The following PDE4D variants were observed in gnomAD, a reference collection of about 807,000 sequenced individuals.
The protein encoded by PDE4D is phosphodiesterase 4D.
In PDE4D, 24 loss-of-function variants were observed where a neutral mutation model predicts 87.4. The observed-to-expected ratio is 0.27, with a 90% CI of 0.20 to 0.39. The LOEUF (loss-of-function observed/expected upper bound fraction) is 0.39. PDE4D is among the 10% of genes least tolerant of loss of function. PDE4D has a pLI of 1.00. For missense variants in PDE4D, 714 were observed against 1,041.0 expected, an observed-to-expected ratio of 0.69 and a Z score of 4.32; for synonymous variants, 384 against 383.2, an observed-to-expected ratio of 1.00 and a Z score of -0.02.
intron 2 of PDE4D, among the ~76,000 whole-genome samples, chr5:60,028,688 C>A (rs1312294749): frequency 2.6e-5 from 4 of 152,268 alleles, no homozygotes; most frequent in Admixed American, 2.0e-4. Flanking sequence ...TCCTATAGTT[C>A]TTTGCTTTAA....
intron 2 of PDE4D, among the ~76,000 whole-genome samples, chr5:60,132,395 A>T (rs1185945963): frequency 1.3e-5 from 2 of 152,166 alleles, no homozygotes; most frequent in Non-Finnish European, 2.9e-5. Context: ...GTATTACCGT[A>T]TTCCAGAAAG....
chr5:59,498,040 A>C (rs1807543334), intron 1 of PDE4D, among the ~76,000 whole-genome samples: 1 of 152,152 alleles, frequency 6.6e-6, no homozygotes, highest in Admixed American at 6.5e-5. Flanking sequence ...TAAAGAAAAA[A>C]AATGCCAACC....
chr5:60,075,923 G>T (rs1275358366), intron 2 of PDE4D, among the ~76,000 whole-genome samples: 1 of 151,988 alleles, frequency 6.6e-6, no homozygotes, highest in Non-Finnish European at 1.5e-5. Flanking sequence ...ATTTTATTGT[G>T]ATTCCTAGCT....
Position 59,667,244 on chromosome 5 carries a change from G to A in PDE4D, c.455+225924C>T, listed in dbSNP as rs1273403948. 2.0e-5 allele frequency among the ~76,000 whole-genome samples: 3 copies of A among 151,898 alleles called. 1 individual carries two copies. In the South Asian group the frequency reaches 6.2e-4, roughly 32 times the overall value. On this transcript the variant is annotated intron_variant, in intron 1 of 14. Coordinates refer to ENST00000340635, the MANE Select transcript of PDE4D (RefSeq NM_001104631.2). ...CCCTCCTAGAATTTTTTTTTGGGGG[G>A]GAGGTTCTGAAGGCATTATTTTTAT...
chr5:60,234,831 T>C (rs1235347533), intron 1 of PDE4D, among the ~76,000 whole-genome samples: 1 of 152,026 alleles, frequency 6.6e-6, no homozygotes, highest in African/African-American at 2.4e-5. Flanking sequence ...TGTTGGCATA[T>C]GATGGATGAA....
intron 1 of PDE4D, among the ~76,000 whole-genome samples, chr5:60,306,189 G>A (rs1014322534): frequency 4.6e-5 from 7 of 151,878 alleles, no homozygotes; most frequent in Admixed American, 1.3e-4. Flanking sequence ...AAATAAAAAC[G>A]CAAAGGTAAA....
At chr5:59,493,306 T>C (rs1806568656) in intron 1 of PDE4D, among the ~76,000 whole-genome samples, 1 of 152,126 alleles carries the variant, frequency 6.6e-6, no homozygotes. Context: ...TCATAACACA[T>C]CTCTGCAGAA....
In PDE4D at chr5:60,200,668, C is replaced by G. The variant is rs540987110; in HGVS notation, c.-89-14981G>C. 7.9e-5 allele frequency among the ~76,000 whole-genome samples: 12 copies of G among 152,242 alleles called. No homozygotes were observed. The South Asian group carries it at 2.5e-3, about 32-fold the overall frequency. ...GATAGAAATTTCAGTCCATTTATTT[C>G]ACTCTCCTTGCTCCCAAATTCACTT... On this transcript the variant is annotated intron_variant, in intron 1 of 16. Coordinates refer to the PDE4D transcript ENST00000502484.
chr5:59,308,720 A>G (rs547431070), intron 1 of PDE4D, among the ~76,000 whole-genome samples: 3 of 151,848 alleles, frequency 2.0e-5, no homozygotes, highest in Admixed American at 6.6e-5. Context: ...TTAATGCTCT[A>G]TTTTTGTGCT....
rs1015121723 is a variant in PDE4D at position 59,522,169 on chromosome 5, T to G, written c.456-306201A>C. Reference sequence around the variant, plus strand: ...AGCTCCTTGGTGAAAAAAACTAAAATTTGGAATAGTTAATTGAATGGCTAT... The same window carrying G: ...AGCTCCTTGGTGAAAAAAACTAAAAGTTGGAATAGTTAATTGAATGGCTAT... On this transcript the variant is annotated intron_variant, in intron 1 of 14. Coordinates refer to ENST00000340635, the MANE Select transcript of PDE4D (RefSeq NM_001104631.2). Among the ~76,000 whole-genome samples, 10 of 152,170 alleles carry G rather than the reference T, an allele frequency of 6.6e-5. No individual in the cohort carries two copies. The East Asian group carries it at 9.6e-4, about 15-fold the overall frequency.
intron 2 of PDE4D, among the ~76,000 whole-genome samples, chr5:60,185,318 G>A (rs532312112): frequency 7.2e-5 from 11 of 152,156 alleles, no homozygotes; most frequent in East Asian, 3.9e-4. Flanking sequence ...GCTTGTAGAC[G>A]TATATGAATG....
At chr5:59,816,867 T>A (rs1769032689) in intron 1 of PDE4D, among the ~76,000 whole-genome samples, 1 of 152,160 alleles carries the variant, frequency 6.6e-6, no homozygotes, top group Non-Finnish European at 1.5e-5. Flanking sequence ...CACCAGAACC[T>A]CAGCATGCAC....
At chr5:60,330,541 T>G (rs4700373) in intron 1 of PDE4D, among the ~76,000 whole-genome samples, 15,252 of 152,118 alleles carry the variant, frequency 0.1, 1,023 homozygotes, top group South Asian at 0.29. Flanking sequence ...ACACTGACCA[T>G]TCCAGGAGCC....
chr5:59,832,767 A>G (rs1265083981), intron 1 of PDE4D, among the ~76,000 whole-genome samples: 1 of 152,084 alleles, frequency 6.6e-6, no homozygotes, highest in African/African-American at 2.4e-5. Flanking sequence ...TTCCACCACT[A>G]ATCAATATTG....
chr5:59,821,722 T>A (rs954162409), intron 1 of PDE4D, among the ~76,000 whole-genome samples: 1 of 152,188 alleles, frequency 6.6e-6, no homozygotes, highest in Non-Finnish European at 1.5e-5. Context: ...TGGTTAGCAA[T>A]TGGCTCTAGA....
chr5:59,276,559 C>T (rs1157756512), intron 1 of PDE4D, among the ~76,000 whole-genome samples: 2 of 152,042 alleles, frequency 1.3e-5, no homozygotes, highest in African/African-American at 4.8e-5. Flanking sequence ...TAAATTACCT[C>T]TTAAAAATTC....
At chr5:59,320,194 G>A (rs568557459) in intron 1 of PDE4D, among the ~76,000 whole-genome samples, 14 of 152,004 alleles carry the variant, frequency 9.2e-5, no homozygotes, top group Non-Finnish European at 1.6e-4. Context: ...GCGTGTGCAG[G>A]TGTGTTTAGG....
chr5:60,167,861 A>G (rs1783068771), intron 2 of PDE4D, among the ~76,000 whole-genome samples: 1 of 152,190 alleles, frequency 6.6e-6, no homozygotes, highest in African/African-American at 2.4e-5. Flanking sequence ...ATTTGGTGTC[A>G]TCATGTTTCC....
At chr5:59,954,733 GC>G in intron 3 of PDE4D, among the ~76,000 whole-genome samples, 1 of 152,252 alleles carries the variant, frequency 6.6e-6, no homozygotes, top group Admixed American at 6.5e-5. Flanking sequence ...TCACAAGAAT[GC>G]CATGTATGTG....
Sources: allele counts gnomAD v4.1 joint callset (sites outside exome capture counted in the v4.1 genomes callset), GRCh38; gene constraint gnomAD v4.1.1; transcripts MANE v1.5; gene names NCBI Gene and HGNC (gene_info 2026-07-23, HGNC 2026-07-21).